Variants in ELAVL4 observed in about 807,000 individuals in gnomAD.
The protein encoded by ELAVL4 is ELAV-like protein 4.
In ELAVL4, 1 loss-of-function variant was observed where a neutral mutation model predicts 35.6. That is an observed-to-expected ratio of 0.03 (90% confidence interval 0.01 to 0.13). The LOEUF (loss-of-function observed/expected upper bound fraction) is 0.13, where lower values mean the gene tolerates loss of function less well. Among genes scored for constraint, ELAVL4 ranks in the 10% least tolerant of loss-of-function variants. The pLI is 1.00. For synonymous variants in ELAVL4, 156 were observed against 171.0 expected (o/e 0.91, Z 0.69); for missense variants, 267 against 464.9 (o/e 0.57, Z 3.91).
intron 1 of ELAVL4, among the ~76,000 whole-genome samples, chr1:50,133,625 A>AAGAAAGAAAGAAAG (rs1553174510): frequency 3.3e-5 from 5 of 150,904 alleles, no homozygotes; most frequent in Non-Finnish European, 7.4e-5. Flanking sequence ...GAAAGAAAGA[A>AAGAAAGAAAGAAAG]AGAAAGAAAG....
At chr1:50,052,934 G>A (rs1021452121) in intron 1 of ELAVL4, among the ~76,000 whole-genome samples, 11 of 152,324 alleles carry the variant, frequency 7.2e-5, no homozygotes, top group East Asian at 1.9e-4. Context: ...CACAGCCTCT[G>A]AACAACTGGC....
intron 1 of ELAVL4, among the ~76,000 whole-genome samples, chr1:50,083,215 C>G (rs1665088904): frequency 6.6e-6 from 1 of 152,048 alleles, no homozygotes; most frequent in Non-Finnish European, 1.5e-5. Flanking sequence ...CAACACTTTA[C>G]CTGACTAATA....
At chr1:50,147,256 C>T (rs940543567) in intron 2 of ELAVL4, among the ~76,000 whole-genome samples, 7 of 152,062 alleles carry the variant, frequency 4.6e-5, no homozygotes, top group African/African-American at 1.2e-4. Flanking sequence ...TAGAGAGAGA[C>T]CAGAGATATT....
chr1:50,092,160 T>C (rs1665522693), intron 1 of ELAVL4, among the ~76,000 whole-genome samples: 1 of 152,196 alleles, frequency 6.6e-6, no homozygotes, highest in African/African-American at 2.4e-5. Context: ...AAATGATGGA[T>C]ACAAGTACAT....
At chr1:50,063,028 T>G (rs1395113241) in intron 1 of ELAVL4, among the ~76,000 whole-genome samples, 2 of 152,184 alleles carry the variant, frequency 1.3e-5, no homozygotes, top group African/African-American at 4.8e-5. Flanking sequence ...TTCATTCTGG[T>G]AGGATAATTG....
intron 1 of ELAVL4, among the ~76,000 whole-genome samples, chr1:50,111,256 TC>T (rs1031363158): frequency 1.3e-5 from 2 of 151,310 alleles, no homozygotes; most frequent in African/African-American, 4.9e-5. Context: ...TTTTCCTTTT[TC>T]CCCCTTTTCC....
At chr1:50,177,470 TGA>T (rs967825466) in intron 3 of ELAVL4, among the ~76,000 whole-genome samples, 1 of 152,236 alleles carries the variant, frequency 6.6e-6, no homozygotes, top group African/African-American at 2.4e-5. Context: ...CCTGTGAGCC[TGA>T]GTCTGCAAAG....
intron 1 of ELAVL4, among the ~76,000 whole-genome samples, chr1:50,111,038 T>A (rs4357572): frequency 0.39 from 59,050 of 151,966 alleles, 14,533 homozygotes; most frequent in Non-Finnish European, 0.55. Flanking sequence ...CTTTAATTAT[T>A]CGTTATTAAT....
intron 1 of ELAVL4, chr1:50,109,686 G>C (rs1210763595): frequency 1.9e-6 from 1 of 515,572 alleles, no homozygotes; most frequent in Non-Finnish European, 3.5e-6. Flanking sequence ...TGTTTCGGGG[G>C]ACTGCGCAGT....
intron 1 of ELAVL4, among the ~76,000 whole-genome samples, chr1:50,143,901 T>C (rs1673245129): frequency 6.6e-6 from 1 of 152,214 alleles, no homozygotes; most frequent in Non-Finnish European, 1.5e-5. Context: ...CTTCTGGCTC[T>C]GCAATTTTGC....
At chr1:50,100,899 T>C (rs1033359463), upstream of ELAVL4, among the ~76,000 whole-genome samples, 2 of 152,224 alleles carry the variant, frequency 1.3e-5, no homozygotes. Flanking sequence ...AAGACTGAAT[T>C]ATCCTGAAAC....
chr1:50,061,173 T>A (rs1041223477), intron 1 of ELAVL4, among the ~76,000 whole-genome samples: 2 of 152,240 alleles, frequency 1.3e-5, no homozygotes, highest in African/African-American at 4.8e-5. Flanking sequence ...ATGGAGAAGA[T>A]ATTTACATAA....
chr1:50,168,984 G>GTATA (rs755820090), intron 2 of ELAVL4, among the ~76,000 whole-genome samples: 29 of 144,274 alleles, frequency 2.0e-4, no homozygotes, highest in African/African-American at 6.4e-4. Context: ...ATATATATAT[G>GTATA]TATATATATA....
rs534419264 is a variant in ELAVL4, at chr1:50,108,926, A to G, written c.-264A>G. 8.0e-6 allele frequency: 9 copies of G among 1,121,416 alleles called. No individual in the cohort carries two copies. Among genetic ancestry groups the G allele is most frequent in the East Asian group, 9.7e-5 (2 of 20,660 alleles). 69.5% of individuals were successfully genotyped at this position (1,121,416 alleles called of 1,614,324 possible). A position where few individuals can be genotyped will look rare whatever the true frequency, so the allele number is the denominator to read the frequency against. Reference sequence around the variant, plus strand: ...TGTAAAAAGGGGAAGCTTCGAGCCAATTTCAGCAAGGCTCTGTTCAGTTGT... The same window carrying G: ...TGTAAAAAGGGGAAGCTTCGAGCCAGTTTCAGCAAGGCTCTGTTCAGTTGT... On this transcript the variant is annotated 5_prime_UTR_variant, in exon 1 of 7. Transcript: ENST00000371824.
chr1:50,048,216 G>C, intron 1 of ELAVL4: 1 of 1,500,702 alleles, frequency 6.7e-7, no homozygotes, highest in Non-Finnish European at 8.9e-7. Context: ...CCGCACCCCC[G>C]ACTCTGCCCG....
intron 2 of ELAVL4, among the ~76,000 whole-genome samples, chr1:50,161,689 A>G (rs1676835577): frequency 6.6e-6 from 1 of 152,218 alleles, no homozygotes; most frequent in South Asian, 2.1e-4. Flanking sequence ...AGTGGAAGAC[A>G]AGAAAATACC....
intron 1 of ELAVL4, among the ~76,000 whole-genome samples, chr1:50,122,336 G>A (rs1557733301): frequency 6.6e-6 from 1 of 152,056 alleles, no homozygotes; most frequent in Non-Finnish European, 1.5e-5. Flanking sequence ...ATCACAGCAG[G>A]AGATAGGACA....
At chr1:50,109,835 T>G in intron 1 of ELAVL4, 1 of 1,488,124 alleles carries the variant, frequency 6.7e-7, no homozygotes, top group Non-Finnish European at 9.2e-7. Flanking sequence ...GAGTTGTTGC[T>G]TCCTTCTCTG....
chr1:50,129,538 A>G (rs571362846), intron 1 of ELAVL4, among the ~76,000 whole-genome samples: 16 of 152,246 alleles, frequency 1.1e-4, no homozygotes, highest in Non-Finnish European at 7.4e-5. Flanking sequence ...GGCAAAAGAT[A>G]CCAGAAATTG....
Sources: allele counts gnomAD v4.1 joint callset (sites outside exome capture counted in the v4.1 genomes callset), GRCh38; gene constraint gnomAD v4.1.1; transcripts MANE v1.5; gene names NCBI Gene and HGNC (gene_info 2026-07-23, HGNC 2026-07-21).